PDE1C: variants seen among roughly 807,000 people sequenced by gnomAD.
The protein encoded by PDE1C is dual specificity calcium/calmodulin-dependent 3',5'-cyclic nucleotide phosphodiesterase 1C.
Under a neutral mutation model 93.1 loss-of-function variants are expected in PDE1C, and 62 were observed. The ratio of observed to expected loss-of-function variants is 0.67; its 90% CI spans 0.54 to 0.82. The LOEUF is 0.82. Ranked by LOEUF, PDE1C falls within the 40% of genes least tolerant of loss-of-function variation. PDE1C has a pLI of 0.00. For synonymous variants in PDE1C, 325 were observed against 310.1 expected (o/e 1.05, Z -0.50); for missense variants, 742 against 884.6 (o/e 0.84, Z 2.04).
At chr7:32,288,703 G>C (rs775920617) in intron 1 of PDE1C, among the ~76,000 whole-genome samples, 1 of 152,160 alleles carries the variant, frequency 6.6e-6, no homozygotes. Context: ...AGATACAGTG[G>C]ACCTTTCTGA....
At chr7:32,052,767 A>T (rs1793565143) in intron 1 of PDE1C, among the ~76,000 whole-genome samples, 1 of 152,210 alleles carries the variant, frequency 6.6e-6, no homozygotes, top group Non-Finnish European at 1.5e-5. Context: ...TGTGTAAAGC[A>T]GCAAGTAACA....
intron 6 of PDE1C, among the ~76,000 whole-genome samples, chr7:31,869,321 T>C (rs1795654525): frequency 6.6e-6 from 1 of 152,188 alleles, no homozygotes; most frequent in African/African-American, 2.4e-5. Context: ...AAAAATAGAC[T>C]AGCTAAATGG....
At chr7:31,971,300 T>G (rs998130370) in intron 2 of PDE1C, among the ~76,000 whole-genome samples, 2 of 152,126 alleles carry the variant, frequency 1.3e-5, no homozygotes, top group Non-Finnish European at 2.9e-5. Context: ...ACCCTTATTT[T>G]ATAACTTGAA....
At chr7:31,855,231 C>G (rs891911940) in intron 7 of PDE1C, among the ~76,000 whole-genome samples, 1 of 152,082 alleles carries the variant, frequency 6.6e-6, no homozygotes, top group Non-Finnish European at 1.5e-5. Flanking sequence ...AATCTGCTCC[C>G]AAGAGTATTC....
chr7:32,194,910 A>G (rs1192898135), intron 2 of PDE1C, among the ~76,000 whole-genome samples: 5 of 151,660 alleles, frequency 3.3e-5, no homozygotes, highest in African/African-American at 1.2e-4. Context: ...CACTTTACCT[A>G]TTGTGTATCT....
chr7:32,205,889 G>T (rs558901844), intron 2 of PDE1C, among the ~76,000 whole-genome samples: 1 of 152,144 alleles, frequency 6.6e-6, no homozygotes, highest in Non-Finnish European at 1.5e-5. Flanking sequence ...AAGAAACTCC[G>T]GACACATCTG....
At chr7:32,198,886 G>A (rs916590037) in intron 2 of PDE1C, among the ~76,000 whole-genome samples, 1 of 152,128 alleles carries the variant, frequency 6.6e-6, no homozygotes, top group Non-Finnish European at 1.5e-5. Flanking sequence ...GGAGGCCAAG[G>A]CAGGTGGATC....
chr7:32,096,276 T>G (rs1485538532), intron 3 of PDE1C, among the ~76,000 whole-genome samples: 1 of 152,168 alleles, frequency 6.6e-6, no homozygotes, highest in Non-Finnish European at 1.5e-5. Flanking sequence ...GGCAGTGCAC[T>G]TCAACCAAAG....
At chr7:32,071,037 C>T (rs1796002720), upstream of PDE1C, 3 of 985,376 alleles carry the variant, frequency 3.0e-6, no homozygotes, top group Non-Finnish European at 2.4e-6. Flanking sequence ...CTGTCAGCGC[C>T]CGGGCTGGTG....
intron 2 of PDE1C, among the ~76,000 whole-genome samples, chr7:32,200,548 A>C (rs1319340273): frequency 6.6e-6 from 1 of 152,186 alleles, no homozygotes; most frequent in African/African-American, 2.4e-5. Context: ...TTGATGCGTA[A>C]CAGATCACAC....
At chr7:31,940,615 C>T (rs928042940) in intron 2 of PDE1C, among the ~76,000 whole-genome samples, 2 of 152,120 alleles carry the variant, frequency 1.3e-5, no homozygotes, top group African/African-American at 4.8e-5. Flanking sequence ...GATGGGTGCC[C>T]TGAGGCATTT....
chr7:32,130,194 C>T (rs538931223), intron 3 of PDE1C, among the ~76,000 whole-genome samples: 33 of 152,086 alleles, frequency 2.2e-4, no homozygotes, highest in African/African-American at 7.2e-4. Flanking sequence ...TTATCCCTTT[C>T]GCATTCAAAA....
chr7:32,072,819 G>T (rs966363340), upstream of PDE1C, among the ~76,000 whole-genome samples: 35 of 152,158 alleles, frequency 2.3e-4, 1 homozygote, highest in Admixed American at 1.8e-3. Context: ...CAGAGTTTGA[G>T]TTATGGCTGA....
intron 2 of PDE1C, among the ~76,000 whole-genome samples, chr7:31,997,916 A>T (rs2128551539): frequency 6.6e-6 from 1 of 152,364 alleles, no homozygotes; most frequent in East Asian, 1.9e-4. Context: ...GGAATATATG[A>T]GAATAAATGT....
intron 3 of PDE1C, among the ~76,000 whole-genome samples, chr7:32,079,237 A>G (rs971476425): frequency 1.3e-5 from 2 of 151,818 alleles, no homozygotes; most frequent in African/African-American, 2.4e-5. Flanking sequence ...GATACTAGGT[A>G]TACAATGGTC....
chr7:32,025,514 T>C (rs1385503898), intron 2 of PDE1C, among the ~76,000 whole-genome samples: 1 of 151,146 alleles, frequency 6.6e-6, no homozygotes, highest in Non-Finnish European at 1.5e-5. Flanking sequence ...CCAGCAAGGC[T>C]GGTTGACGTT....
At chr7:31,886,767 T>C (rs1221987067) in intron 2 of PDE1C, among the ~76,000 whole-genome samples, 3 of 8,276 alleles carry the variant, frequency 3.6e-4, no homozygotes, top group African/African-American at 1.3e-3. Flanking sequence ...CAGTGATCTA[T>C]TCAGATCTAT....
At chr7:32,257,308 C>T (rs1186312329) in intron 1 of PDE1C, among the ~76,000 whole-genome samples, 1 of 152,168 alleles carries the variant, frequency 6.6e-6, no homozygotes, top group African/African-American at 2.4e-5. Context: ...AGGTTCATCT[C>T]TATTCACCTC....
intron 16 of PDE1C, among the ~76,000 whole-genome samples, chr7:31,790,711 G>A (rs1402495901): frequency 6.6e-6 from 1 of 152,058 alleles, no homozygotes; most frequent in Non-Finnish European, 1.5e-5. Context: ...AAGTTTCCCA[G>A]AGACATTTAA....
Sources: allele counts gnomAD v4.1 joint callset (sites outside exome capture counted in the v4.1 genomes callset), GRCh38; gene constraint gnomAD v4.1.1; transcripts MANE v1.5; gene names NCBI Gene and HGNC (gene_info 2026-07-23, HGNC 2026-07-21).